Variants in B3GALT1 observed in about 807,000 individuals in gnomAD.
B3GALT1 encodes beta-1,3-galactosyltransferase 1, also known as UDP-Gal:betaGlcNAc beta 1,3-galactosyltransferase, polypeptide 1.
Under a neutral mutation model 23.2 loss-of-function variants are expected in B3GALT1, and 10 were observed. The observed-to-expected ratio is 0.43, with a 90% CI of 0.27 to 0.73. B3GALT1 has a LOEUF of 0.73. Ranked by LOEUF, B3GALT1 falls within the 30% of genes least tolerant of loss-of-function variation. B3GALT1 has a pLI of 0.21. For missense variants in B3GALT1, 299 were observed against 405.4 expected, an observed-to-expected ratio of 0.74 and a Z score of 2.25; for synonymous variants, 156 against 141.5, an observed-to-expected ratio of 1.10 and a Z score of -0.73.
At chr2:167,329,267 G>A (rs1189649014) in intron 1 of B3GALT1, among the ~76,000 whole-genome samples, 1 of 152,096 alleles carries the variant, frequency 6.6e-6, no homozygotes, top group Non-Finnish European at 1.5e-5. Context: ...TGACCCAGTG[G>A]TCATTCAGTA....
At chr2:167,555,415 C>T (rs910055027) in intron 2 of B3GALT1, among the ~76,000 whole-genome samples, 11 of 152,124 alleles carry the variant, frequency 7.2e-5, no homozygotes, top group Admixed American at 2.0e-4. Flanking sequence ...TCCACTATCC[C>T]GTGTTACTAG....
chr2:167,803,789 T>C (rs905890581), intron 3 of B3GALT1, among the ~76,000 whole-genome samples: 6 of 151,854 alleles, frequency 4.0e-5, no homozygotes, highest in African/African-American at 1.5e-4. Context: ...ACACTCTTAC[T>C]GACCCATTCA....
intron 3 of B3GALT1, among the ~76,000 whole-genome samples, chr2:167,694,142 G>T (rs1391393055): frequency 6.6e-6 from 1 of 151,934 alleles, no homozygotes; most frequent in Non-Finnish European, 1.5e-5. Flanking sequence ...CCTCCCAGAG[G>T]CCCCCCTCCT....
At chr2:167,653,715 A>G (rs557857987) in intron 3 of B3GALT1, among the ~76,000 whole-genome samples, 46 of 152,256 alleles carry the variant, frequency 3.0e-4, no homozygotes, top group African/African-American at 5.3e-4. Flanking sequence ...TCGAGGGTCT[A>G]TGCTTGAGTC....
intron 3 of B3GALT1, among the ~76,000 whole-genome samples, chr2:167,806,276 A>G (rs893160155): frequency 1.3e-5 from 2 of 152,196 alleles, no homozygotes; most frequent in African/African-American, 4.8e-5. Flanking sequence ...ATCTGCAAAC[A>G]GGGACAATTT....
At chr2:167,739,927 C>CAAAA (rs1291441484) in intron 3 of B3GALT1, among the ~76,000 whole-genome samples, 14 of 66,720 alleles carry the variant, frequency 2.1e-4, no homozygotes, top group Non-Finnish European at 3.6e-4. Context: ...GTTGTCTCTA[C>CAAAA]AAAAAAACAA....
intron 2 of B3GALT1, among the ~76,000 whole-genome samples, chr2:167,585,652 T>C (rs1160902389): frequency 6.6e-6 from 1 of 152,190 alleles, no homozygotes; most frequent in Non-Finnish European, 1.5e-5. Flanking sequence ...CATCTATTTT[T>C]TACGATCTAA....
intron 3 of B3GALT1, among the ~76,000 whole-genome samples, chr2:167,651,817 A>G (rs1473044475): frequency 2.0e-5 from 3 of 152,160 alleles, no homozygotes; most frequent in Non-Finnish European, 4.4e-5. Context: ...CAACGACCCT[A>G]GAGTTCTGCT....
intron 2 of B3GALT1, among the ~76,000 whole-genome samples, chr2:167,604,483 T>C (rs1163091879): frequency 6.6e-6 from 1 of 152,242 alleles, no homozygotes; most frequent in African/African-American, 2.4e-5. Context: ...TAGATTACTA[T>C]AATTTTCATT....
At chr2:167,337,381 C>G (rs888082284) in intron 1 of B3GALT1, among the ~76,000 whole-genome samples, 27 of 152,040 alleles carry the variant, frequency 1.8e-4, no homozygotes, top group Admixed American at 1.3e-3. Context: ...CATACACACA[C>G]ATGCACACGC....
intron 2 of B3GALT1, among the ~76,000 whole-genome samples, chr2:167,546,686 C>T (rs1024178188): frequency 6.6e-6 from 1 of 152,182 alleles, no homozygotes; most frequent in Non-Finnish European, 1.5e-5. Context: ...GTACCACCCA[C>T]CAATTCATAG....
intron 2 of B3GALT1, among the ~76,000 whole-genome samples, chr2:167,595,953 T>C (rs898791539): frequency 6.6e-6 from 1 of 152,222 alleles, no homozygotes; most frequent in African/African-American, 2.4e-5. Flanking sequence ...CTAATACTGC[T>C]ATTTTGTAAG....
At chr2:167,738,871 A>G (rs75197405) in intron 3 of B3GALT1, among the ~76,000 whole-genome samples, 1,612 of 152,330 alleles carry the variant, frequency 0.011, 11 homozygotes, top group Admixed American at 0.016. Flanking sequence ...TATCCTGGAT[A>G]TATTCCATTT....
chr2:167,649,861 T>A (rs1685827787), intron 3 of B3GALT1, among the ~76,000 whole-genome samples: 1 of 152,094 alleles, frequency 6.6e-6, no homozygotes, highest in Admixed American at 6.6e-5. Context: ...GATCATTTCA[T>A]CAGCAAATAT....
intron 1 of B3GALT1, among the ~76,000 whole-genome samples, chr2:167,374,278 C>T (rs1559078714): frequency 2.0e-5 from 3 of 152,136 alleles, no homozygotes; most frequent in Admixed American, 6.5e-5. Flanking sequence ...TGGACACCTA[C>T]GTTGATTTTA....
At chr2:167,553,156 G>C (rs576132171) in intron 2 of B3GALT1, among the ~76,000 whole-genome samples, 2 of 152,208 alleles carry the variant, frequency 1.3e-5, no homozygotes, top group South Asian at 2.1e-4. Context: ...TTTTAAAAAG[G>C]CTTCAAGGAT....
intron 1 of B3GALT1, among the ~76,000 whole-genome samples, chr2:167,454,835 A>G (rs1699145153): frequency 6.6e-6 from 1 of 152,182 alleles, no homozygotes; most frequent in African/African-American, 2.4e-5. Flanking sequence ...ACCATGCTAA[A>G]AACAATCAAC....
chr2:167,767,132 C>A (rs1032650342), intron 3 of B3GALT1, among the ~76,000 whole-genome samples: 46 of 152,312 alleles, frequency 3.0e-4, no homozygotes, highest in African/African-American at 1.1e-3. Context: ...AGTTTTGACA[C>A]CCATCAAGTG....
Position 167,358,299 on chromosome 2 carries a change from G to T in B3GALT1, c.-511+64965G>T, listed in dbSNP as rs368605227. Among the ~76,000 whole-genome samples the T allele has an allele frequency of 3.3e-5, 5 of 152,316 alleles. No homozygotes were observed. The East Asian group carries it at 9.6e-4, about 29-fold the overall frequency. On this transcript the variant is annotated intron_variant, in intron 1 of 4. Transcript: ENST00000392690. The stretch of plus-strand genomic sequence containing the variant: ...GTAGTTTTAAAAAGGAGTGAAGAAA[G>T]AAGGCTTCTGGGTGATTTCAGTGAC...
Sources: gnomAD v4.1 joint callset for allele counts (sites outside exome capture counted in the v4.1 genomes callset) on GRCh38, gnomAD v4.1.1 for gene constraint, MANE v1.5 for transcripts, NCBI Gene and HGNC (gene_info 2026-07-23, HGNC 2026-07-21) for gene names.